RSF1: variants seen among roughly 807,000 people sequenced by gnomAD.
The protein encoded by RSF1 is remodeling and spacing factor 1, also known as HBV pX-associated protein 8.
Under a neutral mutation model 145.2 loss-of-function variants are expected in RSF1, and 13 were observed. The observed-to-expected ratio is 0.09, with a 90% CI of 0.06 to 0.14. The LOEUF (loss-of-function observed/expected upper bound fraction) is 0.14. RSF1 is among the 10% of genes least tolerant of loss of function. The pLI, the probability that RSF1 is intolerant of heterozygous loss-of-function variation, is 1.00. For missense variants in RSF1, 1,517 were observed against 1,718.2 expected (o/e 0.88, Z 2.07); for synonymous variants, 577 against 592.6 (o/e 0.97, Z 0.38).
intron 1 of RSF1, among the ~76,000 whole-genome samples, chr11:77,804,429 G>A (rs1286751024): frequency 6.6e-6 from 1 of 152,176 alleles, no homozygotes; most frequent in Non-Finnish European, 1.5e-5. Flanking sequence ...AGTCTTGTTG[G>A]TGACATTCTA....
chr11:77,737,390 G>A (rs1399940431), intron 4 of RSF1, among the ~76,000 whole-genome samples: 1 of 151,898 alleles, frequency 6.6e-6, no homozygotes, highest in African/African-American at 2.4e-5. Context: ...AGAATTTGCA[G>A]GGAGCTGAGA....
intron 1 of RSF1, among the ~76,000 whole-genome samples, chr11:77,773,585 T>C (rs1590878531): frequency 6.6e-6 from 1 of 152,296 alleles, no homozygotes; most frequent in Admixed American, 6.5e-5. Flanking sequence ...GAAAAATTAA[T>C]TTAAAATTAA....
chr11:77,748,216 CTTTT>C (rs372130350), intron 2 of RSF1, among the ~76,000 whole-genome samples: 37 of 141,640 alleles, frequency 2.6e-4, no homozygotes, highest in Non-Finnish European at 5.3e-4. Flanking sequence ...AATAGAGGAT[CTTTT>C]TTTTTTTTCT....
the RSF1 span, among the ~76,000 whole-genome samples, chr11:77,839,360 C>T: frequency 1.3e-5 from 2 of 152,156 alleles, no homozygotes; most frequent in Non-Finnish European, 2.9e-5. Flanking sequence ...AATGCTTTTA[C>T]ACTATTGGTG....
intron 14 of RSF1, among the ~76,000 whole-genome samples, chr11:77,673,999 T>C (rs188522693): frequency 6.6e-4 from 101 of 152,266 alleles, no homozygotes; most frequent in Non-Finnish European, 1.1e-3. Flanking sequence ...AAAAAAGATA[T>C]AAAGAATAAT....
intron 4 of RSF1, among the ~76,000 whole-genome samples, chr11:77,737,508 C>G (rs898640135): frequency 1.3e-5 from 2 of 150,784 alleles, no homozygotes; most frequent in African/African-American, 2.4e-5. Flanking sequence ...CGGAAAACTG[C>G]GTGCAGGCAT....
intron 1 of RSF1, among the ~76,000 whole-genome samples, chr11:77,801,485 C>T (rs1948625981): frequency 6.6e-6 from 1 of 152,172 alleles, no homozygotes; most frequent in South Asian, 2.1e-4. Context: ...ACACAGAGCT[C>T]CTAAAATCCT....
At chr11:77,860,085 G>A in the RSF1 span, among the ~76,000 whole-genome samples, 360 of 152,276 alleles carry the variant, frequency 2.4e-3, 2 homozygotes, top group African/African-American at 8.3e-3. Context: ...TTGCAAGCTC[G>A]TCTCTCAGAC....
At chr11:77,788,534 G>T (rs971686997) in intron 1 of RSF1, among the ~76,000 whole-genome samples, 2 of 144,868 alleles carry the variant, frequency 1.4e-5, no homozygotes, top group African/African-American at 2.5e-5. Context: ...ACTTAAAAAT[G>T]TAACAATGAA....
At chr11:77,697,510 AAATATATTTATATAT>A (rs1960310086) in intron 7 of RSF1, among the ~76,000 whole-genome samples, 1 of 133,124 alleles carries the variant, frequency 7.5e-6, no homozygotes, top group South Asian at 2.2e-4. Flanking sequence ...ATATTATATA[AAATATATTTATATAT>A]AATATATAAT....
chr11:77,678,216 AT>A, intron 11 of RSF1, 63 bp from the exon 12 acceptor site: 1 of 801,870 alleles, frequency 1.2e-6, no homozygotes, highest in Non-Finnish European at 1.7e-6. Flanking sequence ...TTTTTTAATT[AT>A]TTTTATTTAT....
chr11:77,788,701 G>A (rs368064724), intron 1 of RSF1, among the ~76,000 whole-genome samples: 6 of 151,542 alleles, frequency 4.0e-5, no homozygotes, highest in African/African-American at 1.5e-4. Flanking sequence ...AAACAAAAAG[G>A]AAAAAAAATT....
intron 4 of RSF1, among the ~76,000 whole-genome samples, chr11:77,729,761 C>A (rs1242787977): frequency 6.6e-6 from 1 of 151,740 alleles, no homozygotes; most frequent in East Asian, 1.9e-4. Context: ...ACAAATGGGA[C>A]CAGGTCTTCA....
chr11:77,719,715 TAAATA>T (rs147495516), intron 5 of RSF1, among the ~76,000 whole-genome samples: 1 of 152,284 alleles, frequency 6.6e-6, no homozygotes, highest in Non-Finnish European at 1.5e-5. Flanking sequence ...AGTGAACAGA[TAAATA>T]AAATGTGGTA....
At chr11:77,798,099 C>T (rs955542586) in intron 1 of RSF1, among the ~76,000 whole-genome samples, 4 of 152,162 alleles carry the variant, frequency 2.6e-5, no homozygotes, top group Non-Finnish European at 4.4e-5. Context: ...GACAGTGTGG[C>T]GATTCCTTAA....
the RSF1 span, among the ~76,000 whole-genome samples, chr11:77,831,514 G>A: frequency 6.6e-6 from 1 of 152,074 alleles, no homozygotes; most frequent in Non-Finnish European, 1.5e-5. Flanking sequence ...CTCTGTTGGA[G>A]CCTAGGTATC....
At chr11:77,810,031 T>C (rs1948715325) in intron 1 of RSF1, among the ~76,000 whole-genome samples, 1 of 152,172 alleles carries the variant, frequency 6.6e-6, no homozygotes, top group Admixed American at 6.5e-5. Flanking sequence ...TGCTGCAAAA[T>C]ACACTGATGA....
chr11:77,675,359 T>C, intron 13 of RSF1, 103 bp from the exon 14 acceptor site: 1 of 805,932 alleles, frequency 1.2e-6, no homozygotes, highest in Non-Finnish European at 1.9e-6. Flanking sequence ...AATCATTAAG[T>C]ATAGTGCAAC....
the RSF1 span, among the ~76,000 whole-genome samples, chr11:77,844,738 T>G: frequency 1.3e-3 from 192 of 152,292 alleles, no homozygotes; most frequent in African/African-American, 4.4e-3. Flanking sequence ...GGATTTTGTT[T>G]TGTTGTTTTG....
Sources: allele counts gnomAD v4.1 joint callset (sites outside exome capture counted in the v4.1 genomes callset), GRCh38; gene constraint gnomAD v4.1.1; transcripts MANE v1.5; gene names NCBI Gene and HGNC (gene_info 2026-07-23, HGNC 2026-07-21).